Variants in CRTC3 observed in about 807,000 individuals in gnomAD.
CRTC3 encodes the protein CREB-regulated transcription coactivator 3.
In CRTC3, 26 loss-of-function variants were observed where a neutral mutation model predicts 74.5. The ratio of observed to expected loss-of-function variants is 0.35; its 90% CI spans 0.26 to 0.48. The LOEUF (loss-of-function observed/expected upper bound fraction) is 0.48, where lower values mean the gene tolerates loss of function less well. Among genes scored for constraint, CRTC3 ranks in the 20% least tolerant of loss-of-function variants. CRTC3 has a pLI of 0.99. For missense variants in CRTC3, 760 were observed against 787.3 expected (o/e 0.97, Z 0.41); for synonymous variants, 377 against 325.8 (o/e 1.16, Z -1.69).
intron 3 of CRTC3, chr15:90,596,404 T>C (rs1444930003): frequency 6.6e-6 from 1 of 152,178 alleles, no homozygotes; most frequent in East Asian, 1.9e-4. Context: ...TCTGGCACTG[T>C]ATGGATCAAC....
chr15:90,577,523 A>C (rs554885430), intron 2 of CRTC3, among the ~76,000 whole-genome samples: 1 of 152,352 alleles, frequency 6.6e-6, no homozygotes, highest in East Asian at 1.9e-4. Context: ...TTTAAAAAGT[A>C]AGGTACAGAC....
At chr15:90,606,592 AT>A (rs1453123220) in intron 5 of CRTC3, among the ~76,000 whole-genome samples, 5 of 152,176 alleles carry the variant, frequency 3.3e-5, no homozygotes, top group African/African-American at 9.7e-5. Context: ...AATAAAAAAA[AT>A]ATTGAGGCCC....
chr15:90,547,527 G>A (rs1744700915), intron 2 of CRTC3, among the ~76,000 whole-genome samples: 1 of 152,160 alleles, frequency 6.6e-6, no homozygotes, highest in South Asian at 2.1e-4. Context: ...GAGCCCTTAT[G>A]CAAAGAACGT....
chr15:90,547,383 T>G (rs537388028), intron 2 of CRTC3, among the ~76,000 whole-genome samples: 2 of 152,336 alleles, frequency 1.3e-5, no homozygotes, highest in African/African-American at 4.8e-5. Context: ...ACAAAATGCT[T>G]TCATATCTGT....
rs1447473438 is a variant in CRTC3 at position 90,593,501 on chromosome 15, G to A, written c.232-135G>A. On this transcript the variant is annotated intron_variant, in intron 2 of 14. Coordinates refer to ENST00000268184, the MANE Select transcript of CRTC3 (RefSeq NM_022769.5). ...TTCCATATACTACTTTATTTACCTT[G>A]ACCCAAGGCCCACTAATGTATAATA... The A allele has an allele frequency of 5.6e-6, 5 of 893,096 alleles. No homozygotes were observed. The East Asian group carries it at 1.0e-4, about 18-fold the overall frequency. The allele number at this position is 893,096 out of a possible 1,614,324, so 55.3% of individuals were successfully genotyped here.
intron 10 of CRTC3, among the ~76,000 whole-genome samples, chr15:90,626,771 C>G (rs757071621): frequency 6.6e-6 from 1 of 152,118 alleles, no homozygotes; most frequent in East Asian, 1.9e-4. Flanking sequence ...GCCACGATGC[C>G]GAGCTAATCG....
At chr15:90,622,285 A>G (rs1567188712) in intron 9 of CRTC3, among the ~76,000 whole-genome samples, 2 of 152,062 alleles carry the variant, frequency 1.3e-5, no homozygotes, top group African/African-American at 4.8e-5. Flanking sequence ...AACCACCTGT[A>G]TTTCTCCCAG....
intron 7 of CRTC3, among the ~76,000 whole-genome samples, chr15:90,614,817 A>G (rs1173007448): frequency 6.6e-6 from 1 of 152,200 alleles, no homozygotes; most frequent in Non-Finnish European, 1.5e-5. Context: ...TAATCCCAGC[A>G]CTTTGGGAGG....
intron 11 of CRTC3, among the ~76,000 whole-genome samples, chr15:90,634,405 G>A (rs1018872922): frequency 2.6e-5 from 4 of 152,200 alleles, no homozygotes; most frequent in Non-Finnish European, 4.4e-5. Flanking sequence ...GAGCCAGCAC[G>A]CCAGCCTTGT....
chr15:90,547,201 C>T (rs988140170), intron 2 of CRTC3, among the ~76,000 whole-genome samples: 1 of 152,138 alleles, frequency 6.6e-6, no homozygotes, highest in African/African-American at 2.4e-5. Context: ...ATCAGACAAA[C>T]ATATGCATCC....
chr15:90,615,333 G>A (rs564661188), intron 7 of CRTC3, among the ~76,000 whole-genome samples: 1 of 152,102 alleles, frequency 6.6e-6, no homozygotes, highest in Non-Finnish European at 1.5e-5. Flanking sequence ...CAGTACCAGG[G>A]ACTGTTTTCT....
In CRTC3 at chr15:90,602,747, G is replaced by C. The variant is rs150860206; in HGVS notation, c.413+362G>C. Among the ~76,000 whole-genome samples the C allele has an allele frequency of 3.2e-3, 488 of 152,144 alleles. 8 individuals are homozygous for C. Among genetic ancestry groups the C allele is most frequent in the African/African-American group, 0.011 (469 of 41,512 alleles). ...TCCCAGCACTTTGGGAGGCTGAGGC[G>C]GGCAGATCACAAGGTCAGGAGATTG... On this transcript the variant is annotated intron_variant, in intron 4 of 14. Coordinates refer to ENST00000268184, the MANE Select transcript of CRTC3 (RefSeq NM_022769.5).
rs117236087 is a variant in CRTC3, at chr15:90,639,170, G to A, written c.1548+355G>A. Among the ~76,000 whole-genome samples the A allele has an allele frequency of 5.2e-3, 788 of 152,164 alleles. 8 individuals are homozygous for A. Among genetic ancestry groups the A allele is most frequent in the East Asian group, 0.042 (218 of 5,160 alleles). On this transcript the variant is annotated intron_variant, in intron 13 of 14. Coordinates refer to ENST00000268184, the MANE Select transcript of CRTC3 (RefSeq NM_022769.5). Reference sequence around the variant, plus strand: ...AGGGAGAGTGGCGCCTGCTCCCACCGCAGAGTCAGAAGGTGGCGCCGCATT... The same window carrying A: ...AGGGAGAGTGGCGCCTGCTCCCACCACAGAGTCAGAAGGTGGCGCCGCATT...
intron 2 of CRTC3, among the ~76,000 whole-genome samples, chr15:90,570,593 C>T (rs368547196): frequency 6.6e-6 from 1 of 152,034 alleles, no homozygotes; most frequent in Non-Finnish European, 1.5e-5. Flanking sequence ...CTAACCCAGC[C>T]GGCTGTAAAC....
intron 2 of CRTC3, among the ~76,000 whole-genome samples, chr15:90,583,140 C>T (rs1967582562): frequency 6.6e-6 from 1 of 152,036 alleles, no homozygotes; most frequent in Admixed American, 6.6e-5. Flanking sequence ...CACACCCAGC[C>T]ATTATTTCTT....
intron 2 of CRTC3, among the ~76,000 whole-genome samples, chr15:90,564,756 T>C (rs983272978): frequency 2.0e-5 from 3 of 152,184 alleles, no homozygotes; most frequent in Admixed American, 6.5e-5. Context: ...TGGGAGTGTA[T>C]TTGTTGTCAC....
At chr15:90,604,286 G>T in intron 4 of CRTC3, 99 bp from the exon 5 acceptor site, 3 of 855,926 alleles carry the variant, frequency 3.5e-6, no homozygotes, top group Admixed American at 3.6e-5. Context: ...GCAGAGCGAG[G>T]TGAGTAGAAG....
intron 3 of CRTC3, among the ~76,000 whole-genome samples, chr15:90,600,089 A>C (rs1244671667): frequency 6.6e-6 from 1 of 152,198 alleles, no homozygotes; most frequent in Non-Finnish European, 1.5e-5. Context: ...CATGTACCTT[A>C]AGCCTAATAG....
intron 2 of CRTC3, among the ~76,000 whole-genome samples, chr15:90,546,856 C>T (rs879921666): frequency 9.9e-5 from 15 of 152,114 alleles, no homozygotes; most frequent in African/African-American, 2.9e-4. Context: ...ATCTCCTGAC[C>T]TCGTGATCCA....
Sources: allele counts gnomAD v4.1 joint callset (sites outside exome capture counted in the v4.1 genomes callset), GRCh38; gene constraint gnomAD v4.1.1; transcripts MANE v1.5; gene names NCBI Gene and HGNC (gene_info 2026-07-23, HGNC 2026-07-21).